The following PKD1L3 variants were observed in gnomAD, a reference collection of about 807,000 sequenced individuals.
The protein encoded by PKD1L3 is polycystin 1 like 3, transient receptor potential channel interacting, also known as polycystin-1-like protein 3.
In PKD1L3, 239 loss-of-function variants were observed where a neutral mutation model predicts 184.1. The observed-to-expected ratio is 1.30, with a 90% CI of 1.17 to 1.45. PKD1L3 has a LOEUF of 1.45. Ranked by LOEUF, PKD1L3 falls within the 40% of genes most tolerant of loss-of-function variation. The pLI, the probability that PKD1L3 is intolerant of heterozygous loss-of-function variation, is 0.00. For missense variants in PKD1L3, 2,660 were observed against 2,067.2 expected, an observed-to-expected ratio of 1.29 and a Z score of -5.56; for synonymous variants, 996 against 778.8, an observed-to-expected ratio of 1.28 and a Z score of -4.64.
At chr16:71,956,184 A>ATTTTTTTTTTTTT (rs35268514) in intron 16 of PKD1L3, among the ~76,000 whole-genome samples, 1 of 82,758 alleles carries the variant, frequency 1.2e-5, no homozygotes. Flanking sequence ...AAAGGAAGGA[A>ATTTTTTTTTTTTT]TTTTTTTTTT....
intron 12 of PKD1L3, among the ~76,000 whole-genome samples, chr16:71,972,535 T>C (rs2143642563): frequency 6.6e-6 from 1 of 151,984 alleles, no homozygotes; most frequent in East Asian, 1.9e-4. Flanking sequence ...ATCTAAAACA[T>C]TAGCCAGGCA....
Position 71,944,976 on chromosome 16 carries a change from A to T in PKD1L3, c.3719-806T>A, listed in dbSNP as rs186581853. On this transcript the variant is annotated intron_variant, in intron 22 of 29. Coordinates refer to ENST00000620267, the MANE Select transcript of PKD1L3 (RefSeq NM_181536.2). The stretch of plus-strand genomic sequence containing the variant: ...CTGTCTCTTAAAAAAAAATTAAAAC[A>T]TATATTAAAAAAAGAAAAAAATAAA... Among the ~76,000 whole-genome samples the T allele has an allele frequency of 4.9e-4, 75 of 151,650 alleles. 1 individual carries two copies. In the East Asian group the frequency reaches 0.013, roughly 27 times the overall value.
intron 15 of PKD1L3, among the ~76,000 whole-genome samples, chr16:71,965,128 G>A (rs1364299033): frequency 1.3e-5 from 2 of 152,164 alleles, no homozygotes; most frequent in Non-Finnish European, 1.5e-5. Flanking sequence ...GATTAGAGGT[G>A]TGAGCCACTG....
At position 71,939,961 on chromosome 16, in the gene PKD1L3, A is replaced by C. The variant is rs2038304103; in HGVS notation, c.4325-2542T>G. Reference sequence around the variant, plus strand: ...AGTAGAGGAATCACATTGACTTAGCAAGTTCAAGAAAGCTGAAATCTAAGG... The same window carrying C: ...AGTAGAGGAATCACATTGACTTAGCCAGTTCAAGAAAGCTGAAATCTAAGG... On this transcript the variant is annotated intron_variant, in intron 24 of 29. Coordinates refer to ENST00000620267, the MANE Select transcript of PKD1L3 (RefSeq NM_181536.2). Among the ~76,000 whole-genome samples the C allele has an allele frequency of 2.0e-5, 3 of 152,162 alleles. No individual in the cohort carries two copies. The South Asian group carries it at 6.2e-4, about 32-fold the overall frequency.
intron 16 of PKD1L3, among the ~76,000 whole-genome samples, chr16:71,961,636 G>A (rs2039284462): frequency 6.6e-6 from 1 of 152,050 alleles, no homozygotes; most frequent in Admixed American, 6.6e-5. Flanking sequence ...GACCTTGTGA[G>A]CGAATCATTT....
chr16:71,954,169 G>A lies in PKD1L3; in HGVS notation c.2745C>T (p.Cys915=). The change falls in exon 17 of 30, where the codon TGC becomes TGT. Residue 915 remains cysteine, a synonymous_variant. Coordinates refer to ENST00000620267, the MANE Select transcript of PKD1L3 (RefSeq NM_181536.2). ...RLSCCMTLLL[C]NMVINVMFWK... ...AGAACATAACATTGATGACCATGTT[G>A]CAGAGTAGCAGTGTCATGCAGCAAG... 3 of 1,551,286 alleles carry A rather than the reference G, an allele frequency of 1.9e-6. No homozygotes were observed. In the South Asian group the frequency reaches 3.6e-5, roughly 18 times the overall value.
intron 24 of PKD1L3, among the ~76,000 whole-genome samples, chr16:71,938,938 C>T (rs867027811): frequency 1.2e-4 from 19 of 152,204 alleles, no homozygotes; most frequent in African/African-American, 4.1e-4. Context: ...ACAAACAGGG[C>T]TGAAACACAC....
intron 28 of PKD1L3, among the ~76,000 whole-genome samples, chr16:71,932,890 TCTC>T (rs886558437): frequency 1.6e-4 from 24 of 148,092 alleles, no homozygotes; most frequent in African/African-American, 6.0e-4. Context: ...CAGGATTCTC[TCTC>T]CTCAGCCTCC....
chr16:71,975,956 TC>T (rs1297657326), intron 11 of PKD1L3, among the ~76,000 whole-genome samples: 1 of 148,704 alleles, frequency 6.7e-6, no homozygotes, highest in Non-Finnish European at 1.5e-5. Flanking sequence ...CTGTTTCTGT[TC>T]TTTTTTTTTT....
chr16:71,975,902 G>C (rs1459451290), intron 11 of PKD1L3, among the ~76,000 whole-genome samples: 5 of 151,724 alleles, frequency 3.3e-5, no homozygotes, highest in Non-Finnish European at 7.4e-5. Flanking sequence ...CTCTAGTTAT[G>C]CAAGATACTA....
rs762482730 is a variant in PKD1L3 at position 71,979,840 on chromosome 16, C to T, written c.1344G>A (p.Pro448=). ...GHPAPVRLGF[P]SALALKELLN... ...AGAGCTCCTTCAAAGCTAAAGCCGA[C>T]GGAAAGCCTAGCCTCACAGGGGCTG... The change falls in exon 9 of 30, where the codon CCG becomes CCA. Residue 448 remains proline (P), a synonymous_variant. Coordinates refer to ENST00000620267, the MANE Select transcript of PKD1L3 (RefSeq NM_181536.2). 1.4e-5 allele frequency: 22 copies of T among 1,518,510 alleles called. No homozygotes were observed. Among genetic ancestry groups the T allele is most frequent in the African/African-American group, 4.2e-5 (3 of 70,598 alleles). The allele number at this position is 1,518,510 out of a possible 1,614,324, so 94.1% of individuals were successfully genotyped here.
chr16:71,934,043 G>T lies in PKD1L3; in HGVS notation c.4696C>A (p.Gln1566Lys). 2 of 1,551,582 alleles carry T rather than the reference G, an allele frequency of 1.3e-6. No individual in the cohort carries two copies. The highest frequency in any genetic ancestry group is 1.7e-6 in the Non-Finnish European group (2 of 1,146,796). ...CTATGACGCAGCAGGTTCCATAACT[G>T]AACAGTTGCCAGGAGAACCGGGAAG... The part of the protein sequence containing the change: ...VGFPVLLATV[Q>K]LWNLLRHSPR... The change falls in exon 27 of 30, where the codon CAG (glutamine) becomes AAG (lysine). Residue 1566 changes from glutamine to lysine, a missense_variant. Physicochemically the swap from Gln to Lys is moderately conservative, Grantham distance 53 (BLOSUM62 1). Coordinates refer to ENST00000620267, the MANE Select transcript of PKD1L3 (RefSeq NM_181536.2).
At chr16:71,982,645 G>A (rs2040206295) in intron 6 of PKD1L3, among the ~76,000 whole-genome samples, 1 of 151,938 alleles carries the variant, frequency 6.6e-6, no homozygotes, top group African/African-American at 2.4e-5. Context: ...TGCCCCGTCT[G>A]GAGTGCAGTG....
rs1273381996 is a variant in PKD1L3 at position 71,933,909 on chromosome 16, G to T, written c.4824+6C>A. ...GAGAAGGAGAGACAGCAACGTGGGGGCTTACGGCAATGGCATAGCCTGTCA... is the reference window on the plus strand; with the variant it reads ...GAGAAGGAGAGACAGCAACGTGGGGTCTTACGGCAATGGCATAGCCTGTCA... On this transcript the variant is annotated splice_donor_region_variant and intron_variant, in intron 27 of 29. Transcript: ENST00000620267. The T allele has an allele frequency of 3.9e-6, 6 of 1,550,426 alleles. No homozygotes were observed. Among genetic ancestry groups the T allele is most frequent in the Non-Finnish European group, 5.2e-6 (6 of 1,146,220 alleles).
intron 7 of PKD1L3, among the ~76,000 whole-genome samples, chr16:71,980,529 A>G (rs975736458): frequency 1.3e-5 from 2 of 152,166 alleles, no homozygotes; most frequent in Non-Finnish European, 2.9e-5. Context: ...TTTAGGATTC[A>G]TCCTCCCTAA....
intron 16 of PKD1L3, among the ~76,000 whole-genome samples, chr16:71,956,410 C>G (rs1170360756): frequency 6.6e-6 from 1 of 151,828 alleles, no homozygotes. Context: ...GCCAAGCTAT[C>G]TCAAACTCCG....
intron 14 of PKD1L3, 94 bp from the exon 15 acceptor site, chr16:71,967,409 T>A (rs918099357): frequency 1.5e-5 from 18 of 1,214,484 alleles, no homozygotes; most frequent in Admixed American, 1.1e-4. Context: ...TAGAAAACTA[T>A]TTAGATCAAG....
intron 22 of PKD1L3, among the ~76,000 whole-genome samples, chr16:71,945,292 A>G (rs1262821923): frequency 5.9e-5 from 4 of 67,848 alleles, no homozygotes; most frequent in African/African-American, 1.2e-4. Context: ...ATATATATAT[A>G]TATATATATA....
chr16:71,943,558 A>AAAAC (rs1555514236), intron 23 of PKD1L3, among the ~76,000 whole-genome samples: 136 of 151,248 alleles, frequency 9.0e-4, no homozygotes, highest in African/African-American at 3.1e-3. Context: ...AAAAAAAAAA[A>AAAAC]CATAAAATCC....
Sources: allele counts gnomAD v4.1 joint callset (sites outside exome capture counted in the v4.1 genomes callset), GRCh38; gene constraint gnomAD v4.1.1; transcripts MANE v1.5; gene names NCBI Gene and HGNC (gene_info 2026-07-23, HGNC 2026-07-21).